MYH11: variants seen among roughly 807,000 people sequenced by gnomAD.
MYH11 encodes the protein myosin heavy chain 11, also known as myosin-11.
Under a neutral mutation model 246.6 loss-of-function variants are expected in MYH11, and 80 were observed. That is an observed-to-expected ratio of 0.32 (90% CI 0.27 to 0.39). The LOEUF (loss-of-function observed/expected upper bound fraction) is 0.39, where lower values mean the gene tolerates loss of function less well. Among genes scored for constraint, MYH11 ranks in the 10% least tolerant of loss-of-function variants. The probability of loss-of-function intolerance (pLI) is 1.00; values close to 1 mark genes in which losing one functional copy is unlikely to be tolerated. For missense variants in MYH11, 2,158 were observed against 2,546.8 expected, an observed-to-expected ratio of 0.85 and a Z score of 3.29; for synonymous variants, 1,071 against 1,015.5, an observed-to-expected ratio of 1.05 and a Z score of -1.04.
intron 9 of MYH11, among the ~76,000 whole-genome samples, chr16:15,768,213 C>T (rs1442431308): frequency 6.6e-6 from 1 of 152,216 alleles, no homozygotes; most frequent in Admixed American, 6.5e-5. Flanking sequence ...GAATAAGAAA[C>T]AGGACTTTCC....
chr16:15,720,674 AG>A (rs1279275008), intron 33 of MYH11, among the ~76,000 whole-genome samples, 164 bp downstream of exon 33: 2 of 151,940 alleles, frequency 1.3e-5, no homozygotes, highest in African/African-American at 2.4e-5. Flanking sequence ...TGGAGGTTGC[AG>A]TGAGCTGAGA....
intron 4 of MYH11, among the ~76,000 whole-genome samples, 198 bp from the exon 5 acceptor site, chr16:15,786,930 C>T (rs890593348): frequency 1.3e-5 from 2 of 152,134 alleles, no homozygotes; most frequent in African/African-American, 4.8e-5. Context: ...GGTCCAATGC[C>T]CAATCTATTC....
At chr16:15,818,626 C>T (rs751012542) in intron 3 of MYH11, among the ~76,000 whole-genome samples, 19 of 151,768 alleles carry the variant, frequency 1.3e-4, no homozygotes, top group Non-Finnish European at 2.5e-4. Context: ...TTAGTAGAGA[C>T]GGAGATTCAC....
intron 3 of MYH11, among the ~76,000 whole-genome samples, chr16:15,813,262 A>C (rs1437442697): frequency 1.3e-5 from 2 of 151,940 alleles, no homozygotes; most frequent in Non-Finnish European, 2.9e-5. Context: ...CTGAGGCAGG[A>C]TTGCTGAACC....
chr16:15,766,532 C>T (rs1217491900), intron 9 of MYH11, among the ~76,000 whole-genome samples: 2 of 151,976 alleles, frequency 1.3e-5, no homozygotes, highest in East Asian at 3.9e-4. Flanking sequence ...CCACCACACC[C>T]GGCTAATTTT....
intron 3 of MYH11, among the ~76,000 whole-genome samples, chr16:15,804,350 C>T (rs75401241): frequency 0.037 from 5,605 of 152,084 alleles, 115 homozygotes; most frequent in East Asian, 0.083. Flanking sequence ...GGCAAAACCC[C>T]GTCTCTACCA....
chr16:15,776,155 GC>G lies in MYH11; in HGVS notation c.811del (p.Ala271GlnfsTer17). On this transcript the variant is annotated frameshift_variant, in exon 8 of 41. Coordinates refer to ENST00000300036, the MANE Select transcript of MYH11 (RefSeq NM_002474.3). LOFTEE classifies it high-confidence loss of function. The stretch of plus-strand genomic sequence containing the variant: ...CCTCTCGTCTCTGGCTTGGCGAATT[GC>G]CCGTGATTTTTCTAGCAGATCTGGT... ...IETYLLEKSR[A>X]IRQARDERTF... The G allele has an allele frequency of 6.2e-7, 1 of 1,613,906 alleles. No individual in the cohort carries two copies. The highest frequency in any genetic ancestry group is 8.5e-7 in the Non-Finnish European group (1 of 1,179,818).
At chr16:15,727,654 A>G (rs1343795946) in intron 27 of MYH11, among the ~76,000 whole-genome samples, 1 of 152,156 alleles carries the variant, frequency 6.6e-6, no homozygotes, top group African/African-American at 2.4e-5. Context: ...AAAAATCTGG[A>G]TTCCCAGCTT....
rs945474560 is a variant in MYH11, at chr16:15,750,461, G to A, written c.1865-130C>T. 81 of 882,180 alleles carry A rather than the reference G, an allele frequency of 9.2e-5. No homozygotes were observed. The highest frequency in any genetic ancestry group is 1.3e-4 in the Non-Finnish European group (71 of 564,392). The allele number at this position is 882,180 out of a possible 1,614,324, so 54.6% of individuals were successfully genotyped here. A position where few individuals can be genotyped will look rare whatever the true frequency, so the allele number is the denominator to read the frequency against. ...TCCTTCCATCACCAACGCCTCCTTC[G>A]GCAGTCAGGGTTTCCAAGTATTGTC... is the stretch of plus-strand genomic sequence containing the variant. On this transcript the variant is annotated intron_variant, in intron 15 of 40. Transcript: ENST00000300036. The surrounding 1 kb of genome is among the most constrained non-coding windows in gnomAD (Gnocchi z 4.3).
chr16:15,833,415 G>GGAAGGAAGGAAC (rs1555458595), intron 2 of MYH11, among the ~76,000 whole-genome samples: 3 of 147,996 alleles, frequency 2.0e-5, no homozygotes, highest in Non-Finnish European at 3.0e-5. Context: ...AAGGAAGGGA[G>GGAAGGAAGGAAC]GAACGAACTA....
At chr16:15,751,669 G>C (rs1229195140) in intron 15 of MYH11, among the ~76,000 whole-genome samples, 3 of 144,668 alleles carry the variant, frequency 2.1e-5, no homozygotes, top group Non-Finnish European at 3.0e-5. Context: ...CTGGAGAGCA[G>C]TGGCACGATC....
At chr16:15,735,275 T>C (rs1470259621) in intron 26 of MYH11, 91 bp downstream of exon 26, 6 of 1,399,700 alleles carry the variant, frequency 4.3e-6, no homozygotes, top group Non-Finnish European at 6.1e-6. Flanking sequence ...CAGGGGCTGA[T>C]GCACGATTTG....
chr16:15,747,542 GT>G, intron 19 of MYH11, 27 bp downstream of exon 19: 1 of 1,614,040 alleles, frequency 6.2e-7, no homozygotes, highest in Non-Finnish European at 8.5e-7. Context: ...CGCGTTTGAG[GT>G]ATTAGGATGC....
intron 40 of MYH11, among the ~76,000 whole-genome samples, chr16:15,707,349 T>TG (rs2039512270): frequency 1.3e-5 from 2 of 152,142 alleles, no homozygotes; most frequent in Non-Finnish European, 2.9e-5. Flanking sequence ...ATTCTATTCG[T>TG]GGACTCAGCT....
At chr16:15,735,301 C>CT (rs2041083499) in intron 26 of MYH11, 65 bp downstream of exon 26, 1 of 1,581,604 alleles carries the variant, frequency 6.3e-7, no homozygotes, top group African/African-American at 1.3e-5. Context: ...GGTTTGTCCC[C>CT]TCTTCTGCCC....
chr16:15,745,234 A>G lies in MYH11; in HGVS notation c.2415T>C (p.Ala805=), dbSNP rs1182087229. 1.2e-6 allele frequency: 2 copies of G among 1,611,028 alleles called. No individual in the cohort carries two copies. Among genetic ancestry groups the G allele is most frequent in the Non-Finnish European group, 1.7e-6 (2 of 1,178,124 alleles). ...TCAGCTGCTGCTGCCTCTTGGCAAA[A>G]GCCCTAGGGAGGGGGGAAGAGAAGG... The part of the protein sequence containing the change: ...AMCRGYLARK[A]FAKRQQQLTA... The change falls in exon 20 of 41, where the codon GCT becomes GCC. Residue 805 remains alanine, a synonymous_variant. Transcript: ENST00000300036.
chr16:15,738,361 A>T (rs1404590731), intron 24 of MYH11, among the ~76,000 whole-genome samples: 1 of 151,972 alleles, frequency 6.6e-6, no homozygotes, highest in Non-Finnish European at 1.5e-5. Context: ...AAATAAAAAA[A>T]AATTAGCTGG....
intron 22 of MYH11, 117 bp downstream of exon 22, chr16:15,741,346 C>G: frequency 8.5e-7 from 1 of 1,175,770 alleles, no homozygotes; most frequent in South Asian, 1.2e-5. Flanking sequence ...CCTCTCCAAG[C>G]CCCCGTCTCA....
Position 15,737,615 on chromosome 16 carries a change from G to T in MYH11, c.3127C>A (p.Leu1043Ile). The T allele has an allele frequency of 6.2e-7, 1 of 1,612,064 alleles. No homozygotes were observed. The highest frequency in any genetic ancestry group is 8.5e-7 in the Non-Finnish European group (1 of 1,179,962). ...TGTCGGCTCTTCTCTTCCTTCTTTA[G>T]CCGCACTGCAAAAACCAAGGTGCTC... is the stretch of plus-strand genomic sequence containing the variant. ...ESMISELEVRLKKEEKSRQEL... is the reference protein window; with the variant it reads ...ESMISELEVRIKKEEKSRQEL... The change falls in exon 25 of 41, where the codon CTA becomes ATA. Residue 1043 changes from leucine (L) to isoleucine (I), a missense_variant. Physicochemically the swap from Leu to Ile is conservative, Grantham distance 5. Transcript: ENST00000300036.
Sources: allele counts gnomAD v4.1 joint callset (sites outside exome capture counted in the v4.1 genomes callset), GRCh38; gene constraint gnomAD v4.1.1; non-coding constraint Gnocchi (gnomAD v3.1); transcripts MANE v1.5; gene names NCBI Gene and HGNC (gene_info 2026-07-23, HGNC 2026-07-21).